The following ZNG1F variants were observed in gnomAD, a reference collection of about 807,000 sequenced individuals.
ZNG1F encodes the protein Zn regulated GTPase metalloprotein activator 1F, also known as zinc-regulated GTPase metalloprotein activator 1F.
the ZNG1F span, chr9:41,183,746 T>A: frequency 7.5e-6 from 12 of 1,590,514 alleles, no homozygotes; most frequent in Non-Finnish European, 1.0e-5. Context: ...GATAACTCAA[T>A]AATGGAGATC....
the ZNG1F span, among the ~76,000 whole-genome samples, chr9:41,175,090 G>A: frequency 2.8e-5 from 4 of 145,444 alleles, 1 homozygote; most frequent in African/African-American, 2.6e-5. Flanking sequence ...TTAGTGACAG[G>A]GCTGTCTAAA....
At chr9:41,132,318 C>T in the ZNG1F span, 1 of 1,604,864 alleles carries the variant, frequency 6.2e-7, no homozygotes, top group Non-Finnish European at 8.5e-7. Flanking sequence ...ACACCCTGGA[C>T]AATCACTTGT....
the ZNG1F span, chr9:41,172,021 T>C: frequency 7.4e-6 from 1 of 134,394 alleles, no homozygotes; most frequent in Non-Finnish European, 1.3e-5. Context: ...TTAAACCTCA[T>C]TTAAATGCAT....
the ZNG1F span, among the ~76,000 whole-genome samples, chr9:41,152,513 C>T: frequency 1.4e-5 from 2 of 141,028 alleles, no homozygotes; most frequent in Middle Eastern, 3.9e-3. Context: ...TAATAGACAT[C>T]TACAGAACTC....
chr9:41,155,893 T>G, the ZNG1F span, among the ~76,000 whole-genome samples: 1 of 133,444 alleles, frequency 7.5e-6, no homozygotes, highest in Non-Finnish European at 1.6e-5. Context: ...AGATGACGAG[T>G]TAGTGGGTGT....
chr9:41,184,633 C>A, the ZNG1F span, among the ~76,000 whole-genome samples: 1 of 142,696 alleles, frequency 7.0e-6, no homozygotes, highest in East Asian at 2.1e-4. Context: ...CCCATAAAAT[C>A]GAGTAGTTTT....
the ZNG1F span, among the ~76,000 whole-genome samples, chr9:41,183,247 G>T: frequency 1.4e-5 from 2 of 143,286 alleles, 1 homozygote. Flanking sequence ...TGAACACTTA[G>T]AAGTATGACC....
At chr9:41,150,191 T>G in the ZNG1F span, among the ~76,000 whole-genome samples, 1 of 138,186 alleles carries the variant, frequency 7.2e-6, no homozygotes, top group African/African-American at 2.7e-5. Flanking sequence ...TTCCCTTTCC[T>G]AGTCAAAGAA....
chr9:41,144,597 A>C, the ZNG1F span, among the ~76,000 whole-genome samples: 2 of 148,186 alleles, frequency 1.3e-5, no homozygotes, highest in Non-Finnish European at 3.0e-5. Flanking sequence ...AACCAACAGC[A>C]ATTCAAAAAT....
the ZNG1F span, among the ~76,000 whole-genome samples, chr9:41,199,642 AC>A: frequency 3.4e-5 from 5 of 148,902 alleles, no homozygotes; most frequent in Non-Finnish European, 7.4e-5. Flanking sequence ...TCACTGCTCC[AC>A]TAGATGGTGC....
the ZNG1F span, among the ~76,000 whole-genome samples, chr9:41,141,932 ACC>A: frequency 5.3e-5 from 7 of 133,156 alleles, no homozygotes; most frequent in Non-Finnish European, 1.6e-5. Context: ...GTTTCCCATC[ACC>A]CCTTCTTTTC....
At chr9:41,164,678 A>C in the ZNG1F span, 1 of 149,392 alleles carries the variant, frequency 6.7e-6, no homozygotes, top group African/African-American at 3.5e-5. Context: ...CATCCATGGG[A>C]AAGTGAATTA....
chr9:41,185,929 T>C, the ZNG1F span: 1 of 111,080 alleles, frequency 9.0e-6, no homozygotes, highest in Non-Finnish European at 1.7e-5. Flanking sequence ...GGAATATCAA[T>C]TCACCAGAGG....
chr9:41,154,881 G>A, the ZNG1F span, among the ~76,000 whole-genome samples: 5 of 149,442 alleles, frequency 3.3e-5, no homozygotes, highest in Non-Finnish European at 7.5e-5. Flanking sequence ...TTAAATGTTA[G>A]ACCTAAAACC....
chr9:41,137,182 T>C, the ZNG1F span, among the ~76,000 whole-genome samples: 2 of 147,624 alleles, frequency 1.4e-5, no homozygotes, highest in African/African-American at 2.5e-5. Flanking sequence ...TGTGTCACTA[T>C]TGTCATTCAG....
chr9:41,201,669 T>C, the ZNG1F span, among the ~76,000 whole-genome samples: 1 of 142,960 alleles, frequency 7.0e-6, no homozygotes, highest in Non-Finnish European at 1.5e-5. Context: ...TATAGGGGAA[T>C]GGCTAAATAA....
chr9:41,175,214 A>G, the ZNG1F span, among the ~76,000 whole-genome samples: 4 of 148,078 alleles, frequency 2.7e-5, no homozygotes, highest in Admixed American at 6.9e-5. Flanking sequence ...CAACAATGAA[A>G]TAACGGTCAG....
the ZNG1F span, among the ~76,000 whole-genome samples, chr9:41,185,784 C>A: frequency 9.5e-6 from 1 of 105,726 alleles, no homozygotes; most frequent in Admixed American, 1.0e-4. Context: ...ATAAGAATTC[C>A]AAAGTTATAC....
the ZNG1F span, chr9:41,165,207 T>C: frequency 3.5e-6 from 3 of 848,598 alleles, no homozygotes; most frequent in East Asian, 9.1e-5. Context: ...CTCATGTAGA[T>C]CAATATATCA....
Sources: allele counts gnomAD v4.1 joint callset (sites outside exome capture counted in the v4.1 genomes callset), GRCh38; gene constraint gnomAD v4.1.1; transcripts MANE v1.5; gene names NCBI Gene and HGNC (gene_info 2026-07-23, HGNC 2026-07-21).